The following LIN28B variants were observed in gnomAD, a reference collection of about 807,000 sequenced individuals.
The protein encoded by LIN28B is lin-28 RNA binding posttranscriptional regulator B.
In LIN28B, 5 loss-of-function variants were observed where a neutral mutation model predicts 21.9. The observed-to-expected ratio is 0.23, with a 90% CI of 0.12 to 0.48. The LOEUF is 0.48. Among genes scored for constraint, LIN28B ranks in the 20% least tolerant of loss-of-function variants. The pLI is 0.98. For missense variants in LIN28B, 245 were observed against 310.5 expected, an observed-to-expected ratio of 0.79 and a Z score of 1.58; for synonymous variants, 109 against 111.3, an observed-to-expected ratio of 0.98 and a Z score of 0.13.
rs1399838830 is a variant in LIN28B at position 104,948,757 on chromosome 6, ATAT to A, written c.19-1701_19-1699del. On this transcript the variant is annotated intron_variant, in intron 2 of 5. Transcript: ENST00000635857. ...GTTTTTGAACAATTTTAAACCATTA[ATAT>A]TAGTGAAAAACATTAATTGTGAAAT... Among the ~76,000 whole-genome samples, 3 of 152,184 alleles carry A rather than the reference ATAT, an allele frequency of 2.0e-5. No homozygotes were observed. The East Asian group carries it at 5.8e-4, about 29-fold the overall frequency.
At chr6:104,991,613 T>A (rs569238816) in intron 2 of LIN28B, among the ~76,000 whole-genome samples, 2 of 151,774 alleles carry the variant, frequency 1.3e-5, no homozygotes, top group African/African-American at 2.4e-5. Flanking sequence ...GATGGGGTGG[T>A]GGCCGGGCAG....
At chr6:105,043,341 C>CAAAAAAAAAAAAAAAAAAAAAAAAA (rs57532096) in intron 3 of LIN28B, among the ~76,000 whole-genome samples, 4 of 75,384 alleles carry the variant, frequency 5.3e-5, no homozygotes, top group African/African-American at 1.4e-4. Context: ...GACTCTGTCT[C>CAAAAAAAAAAAAAAAAAAAAAAAAA]AAAAAAAAAA....
At chr6:105,044,376 A>C (rs1169994427) in intron 3 of LIN28B, among the ~76,000 whole-genome samples, 3 of 152,020 alleles carry the variant, frequency 2.0e-5, no homozygotes, top group African/African-American at 4.8e-5. Flanking sequence ...ATCTCCCTTT[A>C]TTACTGTTCT....
At chr6:104,946,415 T>C (rs1350602415) in intron 2 of LIN28B, among the ~76,000 whole-genome samples, 1 of 152,158 alleles carries the variant, frequency 6.6e-6, no homozygotes, top group Non-Finnish European at 1.5e-5. Flanking sequence ...CATTTGAATT[T>C]AGTCTGTTGA....
intron 2 of LIN28B, among the ~76,000 whole-genome samples, chr6:105,021,405 A>G (rs1228655421): frequency 6.6e-6 from 1 of 152,174 alleles, no homozygotes; most frequent in Non-Finnish European, 1.5e-5. Flanking sequence ...TGCTAAATCG[A>G]ATAGTAATTC....
intron 3 of LIN28B, among the ~76,000 whole-genome samples, chr6:105,039,789 T>C (rs1238451111): frequency 6.6e-6 from 1 of 152,158 alleles, no homozygotes; most frequent in Non-Finnish European, 1.5e-5. Flanking sequence ...TGAATGAATT[T>C]TTTTTCTTCA....
chr6:104,995,909 A>G (rs1367271374), intron 2 of LIN28B, among the ~76,000 whole-genome samples: 1 of 151,390 alleles, frequency 6.6e-6, no homozygotes, highest in African/African-American at 2.4e-5. Context: ...TTAGATAACT[A>G]TGTCTTCTGA....
intron 3 of LIN28B, among the ~76,000 whole-genome samples, chr6:105,045,017 A>G (rs747473199): frequency 6.6e-6 from 1 of 152,154 alleles, no homozygotes; most frequent in South Asian, 2.1e-4. Flanking sequence ...AAAATTTCAT[A>G]TGACATTTAT....
intron 3 of LIN28B, among the ~76,000 whole-genome samples, chr6:105,043,386 A>G (rs904631059): frequency 6.7e-6 from 1 of 149,122 alleles, no homozygotes; most frequent in Non-Finnish European, 1.5e-5. Flanking sequence ...AACTAAAACT[A>G]TACAAAGTTA....
At chr6:105,043,334 T>A (rs1771676814) in intron 3 of LIN28B, among the ~76,000 whole-genome samples, 2 of 90,078 alleles carry the variant, frequency 2.2e-5, no homozygotes, top group Admixed American at 1.6e-4. Context: ...AGAGTGAGAC[T>A]CTGTCTCAAA....
chr6:105,052,618 T>C (rs1259109373), intron 3 of LIN28B, among the ~76,000 whole-genome samples: 3 of 152,236 alleles, frequency 2.0e-5, no homozygotes, highest in Non-Finnish European at 4.4e-5. Context: ...AATTTTCTTA[T>C]GTTTTGTTTC....
intron 3 of LIN28B, among the ~76,000 whole-genome samples, chr6:105,058,353 A>G (rs569037705): frequency 6.6e-6 from 1 of 152,240 alleles, no homozygotes; most frequent in East Asian, 1.9e-4. Context: ...ATTGGTCTTT[A>G]CATTCTGAGT....
At chr6:105,024,037 C>T (rs1268742267) in intron 2 of LIN28B, among the ~76,000 whole-genome samples, 2 of 151,848 alleles carry the variant, frequency 1.3e-5, no homozygotes, top group African/African-American at 4.8e-5. Context: ...GGCTGGAGTG[C>T]AGTGACACGA....
In LIN28B at chr6:105,079,454, TA is replaced by T. The variant is rs1337638786; in HGVS notation, c.*673del. 18 of 152,630 alleles carry T rather than the reference TA, an allele frequency of 1.2e-4. No individual in the cohort carries two copies. The highest frequency in any genetic ancestry group is 2.4e-4 in the Non-Finnish European group (16 of 68,028). 9.5% of individuals were successfully genotyped at this position (152,630 alleles called of 1,614,324 possible). ...TAACTTCATATGCCTCTGACTGCCA[TA>T]AGCTTTTTTGATTCTGGGATAACAT... On this transcript the variant is annotated 3_prime_UTR_variant, in exon 4 of 4. Coordinates refer to ENST00000345080, the MANE Select transcript of LIN28B (RefSeq NM_001004317.4).
chr6:105,033,720 A>G (rs1220032420), intron 3 of LIN28B, among the ~76,000 whole-genome samples: 1 of 151,942 alleles, frequency 6.6e-6, no homozygotes, highest in Non-Finnish European at 1.5e-5. Context: ...TGTTAATAAA[A>G]AATTAAGAAA....
chr6:104,938,095 C>CA (rs1230517569), intron 2 of LIN28B, among the ~76,000 whole-genome samples: 97 of 131,046 alleles, frequency 7.4e-4, no homozygotes, highest in Admixed American at 1.9e-3. Flanking sequence ...AGAAAAAAAC[C>CA]AAAAAAAACA....
intron 2 of LIN28B, among the ~76,000 whole-genome samples, chr6:105,012,134 G>T (rs1331271214): frequency 6.6e-6 from 1 of 151,698 alleles, no homozygotes; most frequent in Non-Finnish European, 1.5e-5. Context: ...CTTCAGCCTG[G>T]GTGACAGAGC....
At chr6:104,964,499 G>A (rs1421716482) in intron 2 of LIN28B, among the ~76,000 whole-genome samples, 1 of 152,104 alleles carries the variant, frequency 6.6e-6, no homozygotes, top group Non-Finnish European at 1.5e-5. Context: ...TATACTTTGA[G>A]CTATTTCCCC....
intron 2 of LIN28B, among the ~76,000 whole-genome samples, chr6:105,021,914 G>A (rs115536184): frequency 6.6e-4 from 100 of 152,176 alleles, no homozygotes; most frequent in African/African-American, 2.0e-3. Flanking sequence ...GTACATCCCC[G>A]ACTGGAATAA....
Sources: allele counts gnomAD v4.1 joint callset (sites outside exome capture counted in the v4.1 genomes callset), GRCh38; gene constraint gnomAD v4.1.1; transcripts MANE v1.5; gene names NCBI Gene and HGNC (gene_info 2026-07-23, HGNC 2026-07-21).